Variants in PTBP2 observed in about 807,000 individuals in gnomAD.
PTBP2 encodes the protein polypyrimidine tract binding protein 2.
PTBP2 carries 13 observed loss-of-function variants against 61.4 expected under a neutral mutation model. That is an observed-to-expected ratio of 0.21 (90% CI 0.14 to 0.34). The LOEUF is 0.34. PTBP2 is among the 10% of genes least tolerant of loss of function. The pLI is 1.00. For missense variants in PTBP2, 405 were observed against 642.6 expected, an observed-to-expected ratio of 0.63 and a Z score of 4.00; for synonymous variants, 215 against 218.5, an observed-to-expected ratio of 0.98 and a Z score of 0.14.
At chr1:96,746,850 T>TCTCC (rs1557702919) in intron 2 of PTBP2, among the ~76,000 whole-genome samples, 1 of 18,108 alleles carries the variant, frequency 5.5e-5, no homozygotes, top group African/African-American at 2.3e-4. Flanking sequence ...CCTCCCTCCC[T>TCTCC]CCCCCTCCCT....
intron 8 of PTBP2, among the ~76,000 whole-genome samples, chr1:96,802,324 C>A (rs1178725464): frequency 6.6e-6 from 1 of 151,012 alleles, no homozygotes; most frequent in African/African-American, 2.4e-5. Context: ...AACTTTTTCA[C>A]TGTGGGATAC....
intron 11 of PTBP2, among the ~76,000 whole-genome samples, chr1:96,807,532 A>G (rs1056053635): frequency 6.6e-6 from 1 of 152,214 alleles, no homozygotes; most frequent in African/African-American, 2.4e-5. Context: ...TAAATCTAGA[A>G]CACACCTGCA....
intron 3 of PTBP2, among the ~76,000 whole-genome samples, chr1:96,768,741 A>G (rs758542135): frequency 1.3e-5 from 2 of 152,068 alleles, no homozygotes; most frequent in Non-Finnish European, 2.9e-5. Context: ...CGGTAACAGA[A>G]TAAGGTAATT....
chr1:96,773,071 TC>T (rs1260963820), intron 5 of PTBP2, among the ~76,000 whole-genome samples: 1 of 134,656 alleles, frequency 7.4e-6, no homozygotes, highest in Non-Finnish European at 1.5e-5. Flanking sequence ...CTTGCGGTGA[TC>T]CCAGATGCGT....
chr1:96,812,823 CAA>C lies in PTBP2; in HGVS notation c.1286_1287del (p.Lys429ArgfsTer4). On this transcript the variant is annotated frameshift_variant, in exon 12 of 14. Coordinates refer to ENST00000674951, the MANE Select transcript of PTBP2 (RefSeq NM_021190.4). LOFTEE classifies it high-confidence loss of function. ...GAGGGACTTGATGATCAAGGGCTAACAAAAGATTTTGGTAATTCCCCATTGCA... is the reference window on the plus strand; with the variant it reads ...GAGGGACTTGATGATCAAGGGCTAACAAGATTTTGGTAATTCCCCATTGCA... 1 of 1,613,398 alleles carries C rather than the reference CAA, an allele frequency of 6.2e-7. No homozygotes were observed. Among genetic ancestry groups the C allele is most frequent in the Non-Finnish European group, 8.5e-7 (1 of 1,179,450 alleles).
In PTBP2 at chr1:96,737,276, T is replaced by C. The variant is rs377172178; in HGVS notation, c.39+13682T>C. ...CCACTGCGACCGGCCCACTTTTTCT[T>C]TTTACTTTTAAAAATGTGGCTAATA... is the stretch of plus-strand genomic sequence containing the variant. On this transcript the variant is annotated intron_variant, in intron 2 of 13. Coordinates refer to ENST00000674951, the MANE Select transcript of PTBP2 (RefSeq NM_021190.4). Among the ~76,000 whole-genome samples the C allele has an allele frequency of 8.5e-5, 13 of 152,280 alleles. 1 individual carries two copies. Among genetic ancestry groups the C allele is most frequent in the African/African-American group, 3.1e-4 (13 of 41,542 alleles).
intron 2 of PTBP2, among the ~76,000 whole-genome samples, chr1:96,742,253 A>G (rs1653131659): frequency 6.6e-6 from 1 of 152,194 alleles, no homozygotes; most frequent in South Asian, 2.1e-4. Flanking sequence ...ATTTTCCCTA[A>G]GAGACATGCT....
intron 8 of PTBP2, among the ~76,000 whole-genome samples, chr1:96,788,807 T>G (rs939928693): frequency 6.6e-6 from 1 of 152,098 alleles, no homozygotes; most frequent in African/African-American, 2.4e-5. Flanking sequence ...AGTAATTTTT[T>G]AAGACTAACA....
rs1040442060 is a variant in PTBP2 at position 96,814,763 on chromosome 1, C to T, written c.*1358C>T. On this transcript the variant is annotated 3_prime_UTR_variant, in exon 14 of 14. Transcript: ENST00000674951. ...TGTAAAATTCAGTATAGTTTGAAAG[C>T]GGCACAATTAAAAATTAATTTTCTA... is the stretch of plus-strand genomic sequence containing the variant. 2.0e-5 allele frequency: 3 copies of T among 152,376 alleles called. No homozygotes were observed. Among genetic ancestry groups the T allele is most frequent in the Admixed American group, 6.6e-5 (1 of 15,238 alleles). The allele number at this position is 152,376 out of a possible 1,614,324, so 9.4% of individuals were successfully genotyped here. A position where few individuals can be genotyped will look rare whatever the true frequency, so the allele number is the denominator to read the frequency against.
intron 2 of PTBP2, among the ~76,000 whole-genome samples, chr1:96,743,120 A>G (rs950978983): frequency 6.6e-6 from 1 of 151,948 alleles, no homozygotes; most frequent in Non-Finnish European, 1.5e-5. Flanking sequence ...ACCTGTCTCT[A>G]CTAAAAATAC....
chr1:96,725,158 A>G lies in PTBP2; in HGVS notation c.39+1564A>G, dbSNP rs1445995553. On this transcript the variant is annotated intron_variant, in intron 2 of 13. Transcript: ENST00000674951. ...CAAACAGATTTCTGTAAATTTTGTA[A>G]AAGAATAAATGATACAAGTGTGAGT... 2.0e-5 allele frequency among the ~76,000 whole-genome samples: 3 copies of G among 152,234 alleles called. No individual in the cohort carries two copies. In the East Asian group the frequency reaches 5.8e-4, roughly 29 times the overall value.
At chr1:96,778,036 T>A in intron 7 of PTBP2, 90 bp downstream of exon 7, 6 of 525,192 alleles carry the variant, frequency 1.1e-5, no homozygotes, top group Non-Finnish European at 1.9e-5. Flanking sequence ...TAATGATATC[T>A]TGTAGCATTA....
chr1:96,802,741 T>C (rs1661147940), intron 8 of PTBP2, among the ~76,000 whole-genome samples: 1 of 152,198 alleles, frequency 6.6e-6, no homozygotes, highest in Non-Finnish European at 1.5e-5. Context: ...TCATACAGAC[T>C]ATGGAATTTA....
intron 2 of PTBP2, among the ~76,000 whole-genome samples, chr1:96,732,513 T>G (rs1651563234): frequency 2.0e-5 from 3 of 152,202 alleles, no homozygotes. Flanking sequence ...ACATATACAC[T>G]TAATATTTAA....
At chr1:96,780,184 C>A (rs1658495967) in intron 7 of PTBP2, among the ~76,000 whole-genome samples, 1 of 152,026 alleles carries the variant, frequency 6.6e-6, no homozygotes, top group Non-Finnish European at 1.5e-5. Context: ...AGCCTATCGT[C>A]TTCTGCCTGT....
chr1:96,782,878 A>G (rs1658843842), intron 7 of PTBP2, among the ~76,000 whole-genome samples: 1 of 151,976 alleles, frequency 6.6e-6, no homozygotes, highest in African/African-American at 2.4e-5. Context: ...TTCTGTGCCT[A>G]ATATCTTTCC....
At chr1:96,734,994 T>G (rs1651974256) in intron 2 of PTBP2, among the ~76,000 whole-genome samples, 1 of 150,582 alleles carries the variant, frequency 6.6e-6, no homozygotes, top group Non-Finnish European at 1.5e-5. Context: ...CTCAGCTCAG[T>G]GCAACCTCTG....
chr1:96,777,846 A>G lies in PTBP2; in HGVS notation c.608A>G (p.Lys203Arg). ...TLDVLHQIFS[K>R]FGAVLKIITF... ...TTAATGTTTTAACAGATATTTTCTAAGTTTGGTGCTGTATTGAAGATAATC... is the reference window on the plus strand; with the variant it reads ...TTAATGTTTTAACAGATATTTTCTAGGTTTGGTGCTGTATTGAAGATAATC... The change falls in exon 7 of 14, where the codon AAG (lysine) becomes AGG (arginine). Residue 203 changes from lysine to arginine, a missense_variant. Physicochemically the swap from Lys to Arg is conservative, Grantham distance 26. Transcript: ENST00000674951. The G allele has an allele frequency of 1.3e-6, 2 of 1,570,144 alleles. No individual in the cohort carries two copies. Among genetic ancestry groups the G allele is most frequent in the Non-Finnish European group, 1.7e-6 (2 of 1,154,256 alleles).
chr1:96,726,820 T>C (rs1156380264), intron 2 of PTBP2, among the ~76,000 whole-genome samples: 2 of 152,162 alleles, frequency 1.3e-5, no homozygotes, highest in East Asian at 1.9e-4. Flanking sequence ...CTTGACTCCA[T>C]CATCCGCCCG....
Sources: gnomAD v4.1 joint callset for allele counts (sites outside exome capture counted in the v4.1 genomes callset) on GRCh38, gnomAD v4.1.1 for gene constraint, MANE v1.5 for transcripts, NCBI Gene and HGNC (gene_info 2026-07-23, HGNC 2026-07-21) for gene names.